The following PTPRD variants were observed in gnomAD, a reference collection of about 807,000 sequenced individuals.
The protein encoded by PTPRD is protein tyrosine phosphatase receptor type D, also known as receptor-type tyrosine-protein phosphatase delta.
In PTPRD, 34 loss-of-function variants were observed where a neutral mutation model predicts 214.5. The observed-to-expected ratio is 0.16, with a 90% CI of 0.12 to 0.21. The LOEUF (loss-of-function observed/expected upper bound fraction) is 0.21, where lower values mean the gene tolerates loss of function less well. Ranked by LOEUF, PTPRD falls within the 10% of genes least tolerant of loss-of-function variation. The probability of loss-of-function intolerance (pLI) is 1.00; values close to 1 mark genes in which losing one functional copy is unlikely to be tolerated. For synonymous variants in PTPRD, 1,128 were observed against 845.7 expected, an observed-to-expected ratio of 1.33 and a Z score of -5.79; for missense variants, 2,545 against 2,398.7, an observed-to-expected ratio of 1.06 and a Z score of -1.27.
At chr9:9,391,178 A>G (rs1161816059) in intron 9 of PTPRD, among the ~76,000 whole-genome samples, 1 of 152,146 alleles carries the variant, frequency 6.6e-6, no homozygotes, top group Non-Finnish European at 1.5e-5. Context: ...TTACTGCTTT[A>G]TCATTTAAAA....
chr9:9,530,799 A>G (rs952228057), intron 8 of PTPRD, among the ~76,000 whole-genome samples: 3 of 152,170 alleles, frequency 2.0e-5, no homozygotes, highest in Non-Finnish European at 4.4e-5. Flanking sequence ...CAGATACTGC[A>G]TATTTTCACT....
chr9:8,382,385 G>C (rs1409754240), intron 37 of PTPRD, among the ~76,000 whole-genome samples: 1 of 152,162 alleles, frequency 6.6e-6, no homozygotes, highest in Non-Finnish European at 1.5e-5. Context: ...GAGAATGAGA[G>C]AGGCTTTGTA....
intron 10 of PTPRD, among the ~76,000 whole-genome samples, chr9:9,101,091 C>A (rs2099790620): frequency 2.1e-5 from 2 of 97,310 alleles, no homozygotes; most frequent in African/African-American, 3.2e-5. Context: ...ACCAATTGGC[C>A]AATGTAAAAC....
At chr9:9,117,820 A>G (rs80192698) in intron 10 of PTPRD, among the ~76,000 whole-genome samples, 2,976 of 152,210 alleles carry the variant, frequency 0.02, 113 homozygotes, top group African/African-American at 0.068. Context: ...CATTTGTCCC[A>G]TTGCTTGAAA....
intron 7 of PTPRD, among the ~76,000 whole-genome samples, chr9:9,673,468 GT>G (rs1442032893): frequency 6.6e-6 from 1 of 151,706 alleles, no homozygotes; most frequent in African/African-American, 2.4e-5. Flanking sequence ...TCAATGAATG[GT>G]TAGATTAATC....
chr9:8,570,676 C>A (rs370222189), intron 14 of PTPRD, among the ~76,000 whole-genome samples: 5 of 152,004 alleles, frequency 3.3e-5, no homozygotes, highest in Non-Finnish European at 7.4e-5. Flanking sequence ...AGTTCTTTTC[C>A]TTTTAGCTCA....
At chr9:10,009,908 G>A (rs1366743317) in intron 4 of PTPRD, among the ~76,000 whole-genome samples, 1 of 151,840 alleles carries the variant, frequency 6.6e-6, no homozygotes, top group East Asian at 1.9e-4. Flanking sequence ...TAATGGTAAT[G>A]CTGGTCAGTT....
chr9:9,510,420 T>C (rs548291064), intron 8 of PTPRD, among the ~76,000 whole-genome samples: 1 of 151,776 alleles, frequency 6.6e-6, no homozygotes, highest in South Asian at 2.1e-4. Flanking sequence ...TTGAATTAAA[T>C]TGTGATTTAC....
At chr9:9,806,466 C>T (rs561683288) in intron 5 of PTPRD, among the ~76,000 whole-genome samples, 11 of 151,886 alleles carry the variant, frequency 7.2e-5, no homozygotes, top group Admixed American at 2.0e-4. Context: ...GACAATACAC[C>T]CTCCCCGCCC....
At chr9:9,158,041 C>T (rs770571466) in intron 10 of PTPRD, among the ~76,000 whole-genome samples, 17 of 152,114 alleles carry the variant, frequency 1.1e-4, no homozygotes, top group Admixed American at 2.6e-4. Context: ...CTGCAAAGGA[C>T]GTGATCTCGT....
chr9:8,858,763 G>A (rs2098017107), intron 11 of PTPRD, among the ~76,000 whole-genome samples: 1 of 151,332 alleles, frequency 6.6e-6, no homozygotes, highest in Admixed American at 6.6e-5. Flanking sequence ...CCGGATAAAG[G>A]AGGGGCAGGC....
chr9:9,740,456 C>T (rs893179611), intron 6 of PTPRD, among the ~76,000 whole-genome samples: 14 of 151,800 alleles, frequency 9.2e-5, no homozygotes, highest in Admixed American at 7.9e-4. Flanking sequence ...CTCCCGGGTT[C>T]ACGCCATTCT....
intron 8 of PTPRD, among the ~76,000 whole-genome samples, chr9:9,535,664 C>A (rs1049553462): frequency 6.6e-6 from 1 of 151,990 alleles, no homozygotes; most frequent in Non-Finnish European, 1.5e-5. Flanking sequence ...TTATTACATC[C>A]ATTAGAGTTT....
At chr9:9,650,580 A>C (rs1168806602) in intron 7 of PTPRD, among the ~76,000 whole-genome samples, 2 of 152,238 alleles carry the variant, frequency 1.3e-5, no homozygotes, top group African/African-American at 4.8e-5. Context: ...TCATTATATG[A>C]ACATATGGAC....
intron 3 of PTPRD, among the ~76,000 whole-genome samples, chr9:10,285,441 A>G (rs1406019898): frequency 2.6e-5 from 4 of 152,102 alleles, no homozygotes; most frequent in Non-Finnish European, 1.5e-5. Flanking sequence ...CCCATAAGTA[A>G]TATTTTAACA....
intron 9 of PTPRD, among the ~76,000 whole-genome samples, chr9:9,188,433 G>A (rs1003920776): frequency 6.6e-6 from 1 of 152,034 alleles, no homozygotes; most frequent in Non-Finnish European, 1.5e-5. Flanking sequence ...AATAGATAAT[G>A]CCAAACTGTT....
At chr9:9,907,519 T>C (rs1238173659) in intron 5 of PTPRD, among the ~76,000 whole-genome samples, 1 of 151,996 alleles carries the variant, frequency 6.6e-6, no homozygotes, top group Admixed American at 6.6e-5. Context: ...TGTACACATA[T>C]CACTGATGTC....
intron 3 of PTPRD, among the ~76,000 whole-genome samples, chr9:10,153,502 T>A (rs1235970858): frequency 1.3e-5 from 2 of 150,502 alleles, no homozygotes; most frequent in African/African-American, 4.9e-5. Context: ...TATACAATTT[T>A]TATATATTAT....
At chr9:8,790,805 G>T (rs978142774) in intron 11 of PTPRD, among the ~76,000 whole-genome samples, 1 of 149,256 alleles carries the variant, frequency 6.7e-6, no homozygotes, top group South Asian at 2.1e-4. Context: ...CAGAAATGTT[G>T]TACTTTATTC....
Sources: gnomAD v4.1 joint callset for allele counts (sites outside exome capture counted in the v4.1 genomes callset) on GRCh38, gnomAD v4.1.1 for gene constraint, MANE v1.5 for transcripts, NCBI Gene and HGNC (gene_info 2026-07-23, HGNC 2026-07-21) for gene names.